SLC35D4: variants seen among roughly 807,000 people sequenced by gnomAD.
SLC35D4 encodes solute carrier family 35 member D4.
chr18:23,328,693 G>A, the SLC35D4 span, among the ~76,000 whole-genome samples: 5 of 152,006 alleles, frequency 3.3e-5, no homozygotes, highest in Non-Finnish European at 7.4e-5. Context: ...TCACAGAATT[G>A]GAAAAAAACT....
At chr18:23,283,491 AAAG>A in the SLC35D4 span, among the ~76,000 whole-genome samples, 5 of 148,874 alleles carry the variant, frequency 3.4e-5, no homozygotes, top group African/African-American at 5.0e-5. Context: ...AAAAAAAAAA[AAAG>A]AAAGAAAGAA....
the SLC35D4 span, chr18:23,373,907 G>T: frequency 1.3e-6 from 1 of 743,180 alleles, no homozygotes; most frequent in Non-Finnish European, 2.1e-6. Flanking sequence ...TCCTTCCTCT[G>T]TGAACCTGAC....
chr18:23,279,518 C>A, the SLC35D4 span, among the ~76,000 whole-genome samples: 1 of 152,020 alleles, frequency 6.6e-6, no homozygotes, highest in Admixed American at 6.6e-5. Flanking sequence ...GAGATAAGGT[C>A]TTTATGGAGG....
At chr18:23,252,845 C>T in the SLC35D4 span, 1 of 661,844 alleles carries the variant, frequency 1.5e-6, no homozygotes, top group African/African-American at 1.8e-5. Flanking sequence ...AGCTCCAATG[C>T]AAGTTTTCCC....
the SLC35D4 span, chr18:23,257,647 C>CCAGCCCAGT: frequency 9.4e-6 from 3 of 317,972 alleles, no homozygotes; most frequent in Non-Finnish European, 1.7e-5. Context: ...CCTAGCTGCC[C>CCAGCCCAGT]CAGCCCAGTC....
the SLC35D4 span, among the ~76,000 whole-genome samples, chr18:23,302,034 G>A: frequency 1.3e-5 from 2 of 152,172 alleles, no homozygotes; most frequent in Non-Finnish European, 2.9e-5. Context: ...TTTGAAGGCT[G>A]GCCACTCAGT....
the SLC35D4 span, chr18:23,257,956 C>T: frequency 6.6e-6 from 1 of 152,218 alleles, no homozygotes. Context: ...CAGCCCTTAG[C>T]CTGGGGCCAT....
chr18:23,436,378 CTT>C, the SLC35D4 span, among the ~76,000 whole-genome samples: 18 of 151,920 alleles, frequency 1.2e-4, no homozygotes, highest in Admixed American at 1.1e-3. Context: ...AGTTAAGAAA[CTT>C]AGGTTTAGAA....
the SLC35D4 span, among the ~76,000 whole-genome samples, chr18:23,417,329 G>A: frequency 1.3e-5 from 2 of 152,150 alleles, no homozygotes; most frequent in East Asian, 3.9e-4. Flanking sequence ...TGTAGACATT[G>A]TTCAGCCTCC....
the SLC35D4 span, chr18:23,297,682 A>G: frequency 6.6e-6 from 2 of 302,014 alleles, no homozygotes; most frequent in East Asian, 8.5e-5. Context: ...CCAGCCCATG[A>G]AATCCTGTAC....
chr18:23,313,986 T>A, the SLC35D4 span, among the ~76,000 whole-genome samples: 1 of 152,318 alleles, frequency 6.6e-6, no homozygotes, highest in African/African-American at 2.4e-5. Context: ...CCCACAGAAC[T>A]AGGACTAATA....
chr18:23,338,672 T>C, the SLC35D4 span, among the ~76,000 whole-genome samples: 9 of 152,176 alleles, frequency 5.9e-5, no homozygotes, highest in African/African-American at 2.2e-4. Flanking sequence ...TTATCTCATA[T>C]ATTCTGCTTT....
chr18:23,380,625 A>T, the SLC35D4 span, among the ~76,000 whole-genome samples: 1 of 152,222 alleles, frequency 6.6e-6, no homozygotes, highest in African/African-American at 2.4e-5. Context: ...CTGCAGCTTT[A>T]GGCCTAGCAA....
the SLC35D4 span, among the ~76,000 whole-genome samples, chr18:23,437,336 T>C: frequency 2.6e-5 from 4 of 152,080 alleles, no homozygotes; most frequent in African/African-American, 7.2e-5. Context: ...ATCAGCAGTG[T>C]GAGGGGGAGA....
the SLC35D4 span, among the ~76,000 whole-genome samples, chr18:23,308,449 C>G: frequency 6.6e-6 from 1 of 152,136 alleles, no homozygotes; most frequent in African/African-American, 2.4e-5. Context: ...ACAACATTCT[C>G]CATCTCAGTA....
At chr18:23,252,819 G>A in the SLC35D4 span, 28 of 574,898 alleles carry the variant, frequency 4.9e-5, no homozygotes, top group Admixed American at 2.3e-4. Context: ...CCTGGATTCC[G>A]CCGAGCCCTT....
chr18:23,423,134 G>A, the SLC35D4 span, among the ~76,000 whole-genome samples: 1 of 152,190 alleles, frequency 6.6e-6, no homozygotes, highest in Non-Finnish European at 1.5e-5. Flanking sequence ...TCCAGCCACA[G>A]CAGATGGCCC....
the SLC35D4 span, among the ~76,000 whole-genome samples, chr18:23,254,953 G>A: frequency 6.6e-6 from 1 of 152,222 alleles, no homozygotes; most frequent in African/African-American, 2.4e-5. Flanking sequence ...GAATTGGTCG[G>A]GAGGCAGAGG....
At chr18:23,303,439 C>T in the SLC35D4 span, among the ~76,000 whole-genome samples, 1 of 150,884 alleles carries the variant, frequency 6.6e-6, no homozygotes, top group African/African-American at 2.5e-5. Context: ...CAGCCTCTTA[C>T]AGACGCCTGC....
Sources: gnomAD v4.1 joint callset for allele counts (sites outside exome capture counted in the v4.1 genomes callset) on GRCh38, gnomAD v4.1.1 for gene constraint, MANE v1.5 for transcripts, NCBI Gene and HGNC (gene_info 2026-07-23, HGNC 2026-07-21) for gene names.